The following C15orf40 variants were observed in gnomAD, a reference collection of about 807,000 sequenced individuals.
C15orf40 encodes chromosome 15 open reading frame 40.
In C15orf40, 9 loss-of-function variants were observed where a neutral mutation model predicts 13.9. The observed-to-expected ratio is 0.65, with a 90% CI of 0.39 to 1.13. The LOEUF (loss-of-function observed/expected upper bound fraction) is 1.13. Ranked by LOEUF, C15orf40 falls within the 50% of genes most tolerant of loss-of-function variation. The probability of loss-of-function intolerance (pLI) is 0.01; values close to 1 mark genes in which losing one functional copy is unlikely to be tolerated. For synonymous variants in C15orf40, 95 were observed against 69.2 expected, an observed-to-expected ratio of 1.37 and a Z score of -1.85; for missense variants, 225 against 188.5, an observed-to-expected ratio of 1.19 and a Z score of -1.13.
Position 83,000,094 on chromosome 15 carries a change from C to T in C15orf40, c.*5503G>A, listed in dbSNP as rs957225327. ...GGTCATAGCTCCCTTACCCTGGCCC[C>T]TAATTTCCCTGGCTCTGATTCCAGG... On this transcript the variant is annotated 3_prime_UTR_variant, in exon 4 of 4. Coordinates refer to ENST00000304177, the MANE Select transcript of C15orf40 (RefSeq NM_144597.3). 5.9e-5 allele frequency: 9 copies of T among 152,190 alleles called. No individual in the cohort carries two copies. Among genetic ancestry groups the T allele is most frequent in the Non-Finnish European group, 1.0e-4 (7 of 68,042 alleles). The allele number at this position is 152,190 out of a possible 1,614,324, so 9.4% of individuals were successfully genotyped here. A position where few individuals can be genotyped will look rare whatever the true frequency, so the allele number is the denominator to read the frequency against.
rs563114421 is a variant in C15orf40, at chr15:83,011,371, C to A, written c.111+126G>T. On this transcript the variant is annotated intron_variant, in intron 1 of 3. Transcript: ENST00000304177. ...GGGGGTGGCGGCGGCTGTCCTGAGC[C>A]CCGGAACTGAGAGACGGCAAGCCGC... 9.5e-4 allele frequency: 1,072 copies of A among 1,133,480 alleles called. 23 individuals are homozygous for A. The East Asian group carries it at 0.025, about 27-fold the overall frequency. The allele number at this position is 1,133,480 out of a possible 1,614,324, so 70.2% of individuals were successfully genotyped here. A position where few individuals can be genotyped will look rare whatever the true frequency, so the allele number is the denominator to read the frequency against.
intron 2 of C15orf40, among the ~76,000 whole-genome samples, chr15:83,009,492 C>G (rs1384907910): frequency 6.6e-6 from 1 of 152,184 alleles, no homozygotes; most frequent in Non-Finnish European, 1.5e-5. Context: ...GTTTTCCTTT[C>G]AAAATCTAAA....
At chr15:82,994,384 T>C (rs1895713565), downstream of C15orf40, among the ~76,000 whole-genome samples, 1 of 152,176 alleles carries the variant, frequency 6.6e-6, no homozygotes, top group Non-Finnish European at 1.5e-5. Flanking sequence ...CAAACCGAAA[T>C]ACAATTTTTT....
At chr15:83,005,771 A>T in intron 3 of C15orf40, 79 bp from the exon 4 acceptor site, 1 of 1,498,066 alleles carries the variant, frequency 6.7e-7, no homozygotes, top group Non-Finnish European at 8.9e-7. Flanking sequence ...TCCGTTGTAT[A>T]ATGGGCTCTC....
Position 83,008,631 on chromosome 15 carries a change from A to G in C15orf40, c.283T>C (p.Ser95Pro), listed in dbSNP as rs1392249844. The change falls in exon 3 of 4, where the codon TCA becomes CCA. Residue 95 changes from serine (S) to proline (P), a missense_variant. Ser to Pro is a moderately conservative substitution (Grantham distance 74). Coordinates refer to ENST00000304177, the MANE Select transcript of C15orf40 (RefSeq NM_144597.3). ...AGCTCAGCATTAGCCTCTCCCTCTG[A>G]TGGAGGTGCTGCAATAGCTACATTT... ...AVNVAIAAPP[S>P]EGEANAELCR... is the part of the protein sequence containing the mutation. The G allele has an allele frequency of 6.2e-7, 1 of 1,613,234 alleles. No homozygotes were observed. Among genetic ancestry groups the G allele is most frequent in the South Asian group, 1.1e-5 (1 of 90,830 alleles).
In C15orf40 at chr15:83,000,441, A is replaced by G. The variant is rs143081643; in HGVS notation, c.*5156T>C. The G allele has an allele frequency of 6.6e-6, 1 of 152,418 alleles. No individual in the cohort carries two copies. Among genetic ancestry groups the G allele is most frequent in the African/African-American group, 2.4e-5 (1 of 41,592 alleles). 9.4% of individuals were successfully genotyped at this position (152,418 alleles called of 1,614,324 possible). A position where few individuals can be genotyped will look rare whatever the true frequency, so the allele number is the denominator to read the frequency against. On this transcript the variant is annotated 3_prime_UTR_variant, in exon 4 of 4. Transcript: ENST00000304177. ...AGTTAACAACACTCCGACCTGAGCT[A>G]AATTTAAGATACAAGGGGACTAAGC...
Position 83,002,800 on chromosome 15 carries a change from ATT to A in C15orf40, c.*2795_*2796del. On this transcript the variant is annotated 3_prime_UTR_variant, in exon 4 of 4. Coordinates refer to ENST00000304177, the MANE Select transcript of C15orf40 (RefSeq NM_144597.3). ...GATTCAGGGGAAGGAAAGAAAGCTG[ATT>A]TTTTTTTTTCTTGAGACGGAGTCTG... 1 of 149,124 alleles carries A rather than the reference ATT, an allele frequency of 6.7e-6. No individual in the cohort carries two copies. Among genetic ancestry groups the A allele is most frequent in the Non-Finnish European group, 1.5e-5 (1 of 67,008 alleles). The allele number at this position is 149,124 out of a possible 1,614,324, so 9.2% of individuals were successfully genotyped here. A position where few individuals can be genotyped will look rare whatever the true frequency, so the allele number is the denominator to read the frequency against.
chr15:83,006,580 CA>C (rs111837965), intron 3 of C15orf40: 342 of 493,646 alleles, frequency 6.9e-4, no homozygotes, highest in African/African-American at 6.5e-3. Context: ...GCCAATGTGG[CA>C]AAACCCTGTC....
chr15:82,994,726 C>T (rs902375354), downstream of C15orf40: 1 of 151,814 alleles, frequency 6.6e-6, no homozygotes, highest in Admixed American at 6.6e-5. Context: ...TGCATTTTAA[C>T]CAGAGACACA....
At chr15:83,006,279 G>T in intron 3 of C15orf40, 3 of 682,038 alleles carry the variant, frequency 4.4e-6, no homozygotes, top group Non-Finnish European at 3.6e-6. Context: ...AAGCAATTAA[G>T]TTAAAAATGA....
Position 83,001,120 on chromosome 15 carries a change from C to T in C15orf40, c.*4477G>A, listed in dbSNP as rs1053906279. 2.0e-6 allele frequency: 2 copies of T among 985,392 alleles called. No homozygotes were observed. The highest frequency in any genetic ancestry group is 1.2e-6 in the Non-Finnish European group (1 of 829,980). The allele number at this position is 985,392 out of a possible 1,614,324, so 61.0% of individuals were successfully genotyped here. A position where few individuals can be genotyped will look rare whatever the true frequency, so the allele number is the denominator to read the frequency against. On this transcript the variant is annotated 3_prime_UTR_variant, in exon 4 of 4. Transcript: ENST00000304177. Reference sequence around the variant, plus strand: ...AAGCCACTGCACTGGCCTAGGTGTGCACTGCAAAGGTTCCACCTTCATCCT... The same window carrying T: ...AAGCCACTGCACTGGCCTAGGTGTGTACTGCAAAGGTTCCACCTTCATCCT...
At chr15:82,989,285 T>C, downstream of C15orf40, 1 of 1,255,736 alleles carries the variant, frequency 8.0e-7, no homozygotes. Context: ...GACCAGTGTT[T>C]TTGGTATGGC....
Position 83,008,541 on chromosome 15 carries a change from G to T in C15orf40, c.366+7C>A. Reference sequence around the variant, plus strand: ...CTCAAAAAAAAAAAAAAGAGAGCGAGACCTACCTTATCCAAAACCACATCA... The same window carrying T: ...CTCAAAAAAAAAAAAAAGAGAGCGATACCTACCTTATCCAAAACCACATCA... On this transcript the variant is annotated splice_region_variant and intron_variant, in intron 3 of 3. Coordinates refer to ENST00000304177, the MANE Select transcript of C15orf40 (RefSeq NM_144597.3). 6.2e-7 allele frequency: 1 copy of T among 1,611,538 alleles called. No individual in the cohort carries two copies. Among genetic ancestry groups the T allele is most frequent in the South Asian group, 1.1e-5 (1 of 91,012 alleles).
At chr15:83,008,712 GTTCT>G (rs2031837332) in intron 2 of C15orf40, 37 bp from the exon 3 acceptor site, 1 of 1,539,488 alleles carries the variant, frequency 6.5e-7, no homozygotes. Context: ...TCCTTAAGGA[GTTCT>G]TTTTCTTCAT....
rs928034770 is a variant in C15orf40 at position 83,002,287 on chromosome 15, C to G, written c.*3310G>C. 6.6e-6 allele frequency: 1 copy of G among 152,234 alleles called. No homozygotes were observed. Among genetic ancestry groups the G allele is most frequent in the African/African-American group, 2.4e-5 (1 of 41,464 alleles). The allele number at this position is 152,234 out of a possible 1,614,324, so 9.4% of individuals were successfully genotyped here. On this transcript the variant is annotated 3_prime_UTR_variant, in exon 4 of 4. Transcript: ENST00000304177. Reference sequence around the variant, plus strand: ...CTGCTACGTTTCTCAAAGAAAAAAACTCACTAGGCAAAATGTTCCCACGTT... The same window carrying G: ...CTGCTACGTTTCTCAAAGAAAAAAAGTCACTAGGCAAAATGTTCCCACGTT...
chr15:82,990,700 G>A (rs2030819553), downstream of C15orf40: 1 of 1,457,784 alleles, frequency 6.9e-7, no homozygotes, highest in Non-Finnish European at 9.4e-7. Context: ...GTCTTGATCT[G>A]GTGGTGGTTG....
In C15orf40 at chr15:82,996,888, C is replaced by G. The variant is rs1337312995; in HGVS notation, c.*8709G>C. On this transcript the variant is annotated 3_prime_UTR_variant, in exon 4 of 4. Coordinates refer to ENST00000304177, the MANE Select transcript of C15orf40 (RefSeq NM_144597.3). ...AAAAATTTAGCCAGGCATGGTGGCT[C>G]AGGCCTGTAATCCCAGCTACTTGGA... 1 of 150,870 alleles carries G rather than the reference C, an allele frequency of 6.6e-6. No homozygotes were observed. Among genetic ancestry groups the G allele is most frequent in the Non-Finnish European group, 1.5e-5 (1 of 67,736 alleles). 9.3% of individuals were successfully genotyped at this position (150,870 alleles called of 1,614,324 possible).
In C15orf40 at chr15:83,011,427, G is replaced by A. The variant is rs375544190; in HGVS notation, c.111+70C>T. On this transcript the variant is annotated intron_variant, in intron 1 of 3. Transcript: ENST00000304177. Reference sequence around the variant, plus strand: ...GTGCCTCCACTCACTCCCGGGCCCCGCTTCTCCCGCGCTCTTCAACAAGTA... The same window carrying A: ...GTGCCTCCACTCACTCCCGGGCCCCACTTCTCCCGCGCTCTTCAACAAGTA... 53 of 1,490,474 alleles carry A rather than the reference G, an allele frequency of 3.6e-5. No individual in the cohort carries two copies. In the African/African-American group the frequency reaches 6.5e-4, roughly 18 times the overall value. 92.3% of individuals were successfully genotyped at this position (1,490,474 alleles called of 1,614,324 possible). A position where few individuals can be genotyped will look rare whatever the true frequency, so the allele number is the denominator to read the frequency against.
At chr15:82,991,854 A>G, downstream of C15orf40, 1 of 1,272,030 alleles carries the variant, frequency 7.9e-7, no homozygotes, top group Non-Finnish European at 1.0e-6. Flanking sequence ...GATACTACAG[A>G]TATTTAGTCT....
Sources: allele counts gnomAD v4.1 joint callset (sites outside exome capture counted in the v4.1 genomes callset), GRCh38; gene constraint gnomAD v4.1.1; transcripts MANE v1.5; gene names NCBI Gene and HGNC (gene_info 2026-07-23, HGNC 2026-07-21).